The following SP110 variants were observed in gnomAD, a reference collection of about 807,000 sequenced individuals.
The protein encoded by SP110 is interferon-induced protein 41, 30kD.
Under a neutral mutation model 92.7 loss-of-function variants are expected in SP110, and 62 were observed. The ratio of observed to expected loss-of-function variants is 0.67; its 90% CI spans 0.55 to 0.83. The LOEUF (loss-of-function observed/expected upper bound fraction) is 0.83. Ranked by LOEUF, SP110 falls within the 40% of genes least tolerant of loss-of-function variation. The pLI, the probability that SP110 is intolerant of heterozygous loss-of-function variation, is 0.00. For missense variants in SP110, 793 were observed against 863.9 expected, an observed-to-expected ratio of 0.92 and a Z score of 1.03; for synonymous variants, 273 against 305.3, an observed-to-expected ratio of 0.89 and a Z score of 1.10.
In SP110 at chr2:230,214,855, G is replaced by T; in HGVS notation, c.316+95C>A. ...CATTCCACCCCAGAGAGAAGGCGGGGGATTAACGTGCATATTCCACAGGGC... is the reference window on the plus strand; with the variant it reads ...CATTCCACCCCAGAGAGAAGGCGGGTGATTAACGTGCATATTCCACAGGGC... On this transcript the variant is annotated intron_variant, in intron 3 of 18. Coordinates refer to ENST00000258381, the MANE Select transcript of SP110 (RefSeq NM_080424.4). 14 of 1,010,720 alleles carry T rather than the reference G, an allele frequency of 1.4e-5. 1 individual carries two copies. In the South Asian group the frequency reaches 1.7e-4, roughly 12 times the overall value. 62.6% of individuals were successfully genotyped at this position (1,010,720 alleles called of 1,614,324 possible).
chr2:230,198,123 T>C (rs1009779243), intron 10 of SP110, among the ~76,000 whole-genome samples: 11 of 111,572 alleles, frequency 9.9e-5, no homozygotes, highest in African/African-American at 2.9e-4. Flanking sequence ...TCTGTAGGAC[T>C]GGAAGTCCTC....
chr2:230,209,651 CA>C (rs1478016232), intron 7 of SP110, among the ~76,000 whole-genome samples: 1 of 152,108 alleles, frequency 6.6e-6, no homozygotes, highest in African/African-American at 2.4e-5. Flanking sequence ...GAGGGAAGTG[CA>C]ATTAACACTC....
At chr2:230,210,853 T>A (rs2044389319) in intron 6 of SP110, among the ~76,000 whole-genome samples, 1 of 152,246 alleles carries the variant, frequency 6.6e-6, no homozygotes. Context: ...TTTCAAGTTA[T>A]ATTCATAATA....
chr2:230,177,815 G>C, intron 13 of SP110, 135 bp from the exon 14 acceptor site: 1 of 997,382 alleles, frequency 1.0e-6, no homozygotes, highest in Non-Finnish European at 1.6e-6. Context: ...GAGTAGCAGG[G>C]GAGTCTGCGG....
chr2:230,219,901 C>T lies in SP110; in HGVS notation c.-29G>A. 3.0e-6 allele frequency: 3 copies of T among 985,374 alleles called. No individual in the cohort carries two copies. Among genetic ancestry groups the T allele is most frequent in the Non-Finnish European group, 3.6e-6 (3 of 829,776 alleles). The allele number at this position is 985,374 out of a possible 1,614,324, so 61.0% of individuals were successfully genotyped here. Reference sequence around the variant, plus strand: ...GGACTTTGAGTTTGTCGTTCCTGCCCCTTTCCAGGGGCTGGGACAGGGATC... The same window carrying T: ...GGACTTTGAGTTTGTCGTTCCTGCCTCTTTCCAGGGGCTGGGACAGGGATC... On this transcript the variant is annotated 5_prime_UTR_variant, in exon 1 of 19. Transcript: ENST00000258381.
At chr2:230,197,860 C>T (rs1330124058) in intron 10 of SP110, among the ~76,000 whole-genome samples, 1 of 152,130 alleles carries the variant, frequency 6.6e-6, no homozygotes. Context: ...ACTACATTGT[C>T]AAGCTGGTTT....
At chr2:230,209,604 A>G (rs539030311) in intron 7 of SP110, among the ~76,000 whole-genome samples, 1 of 152,322 alleles carries the variant, frequency 6.6e-6, no homozygotes, top group East Asian at 1.9e-4. Flanking sequence ...CTTAAGAGGA[A>G]GTGGGTTCCT....
At chr2:230,175,942 A>ATTTTTTTTTTTT (rs769329922) in intron 14 of SP110, among the ~76,000 whole-genome samples, 5 of 97,522 alleles carry the variant, frequency 5.1e-5, no homozygotes, top group Non-Finnish European at 7.5e-5. Context: ...ATGCTGCAGC[A>ATTTTTTTTTTTT]TTCTTTTTTT....
At chr2:230,198,097 T>C (rs931011084) in intron 10 of SP110, among the ~76,000 whole-genome samples, 1 of 145,098 alleles carries the variant, frequency 6.9e-6, no homozygotes, top group Non-Finnish European at 1.5e-5. Flanking sequence ...AAGTTCTCTG[T>C]AGGACAATAG....
chr2:230,172,312 C>T, intron 15 of SP110, 138 bp from the exon 16 acceptor site: 7 of 725,748 alleles, frequency 9.6e-6, no homozygotes, highest in South Asian at 8.7e-5. Context: ...TCCAAGATCC[C>T]CACATGGGGT....
chr2:230,177,671 A>G lies in SP110; in HGVS notation c.1457T>C (p.Val486Ala), dbSNP rs1190534463. The change falls in exon 14 of 19, where the codon GTG (valine) becomes GCG (alanine). Residue 486 changes from valine to alanine, a missense_variant. By Grantham distance (64) the Val-to-Ala change is moderately conservative. Coordinates refer to ENST00000258381, the MANE Select transcript of SP110 (RefSeq NM_080424.4). ...YKKKMKHGSS[V>A]KCIRNEDGTW... is the part of the protein sequence containing the mutation. ...TCCATCCTCATTCCGAATGCACTTC[A>G]CTGAGGATCCTGTAAGAAAAAGCCC... 2 of 1,614,098 alleles carry G rather than the reference A, an allele frequency of 1.2e-6. No individual in the cohort carries two copies. The highest frequency in any genetic ancestry group is 8.5e-7 in the Non-Finnish European group (1 of 1,179,996).
intron 10 of SP110, 131 bp downstream of exon 10, chr2:230,200,754 A>T (rs2043097366): frequency 2.7e-6 from 2 of 747,404 alleles, no homozygotes; most frequent in East Asian, 2.6e-5. Context: ...TAAGAAAAAA[A>T]AATCCAGAAG....
chr2:230,176,746 T>G, intron 14 of SP110: 1 of 1,613,776 alleles, frequency 6.2e-7, no homozygotes, highest in Non-Finnish European at 8.5e-7. Context: ...AAGGAGTCAA[T>G]GAATGAGGTT....
In SP110 at chr2:230,178,213, A is replaced by T; in HGVS notation, c.1391T>A (p.Leu464His). 6.2e-7 allele frequency: 1 copy of T among 1,613,640 alleles called. No homozygotes were observed. Among genetic ancestry groups the T allele is most frequent in the Non-Finnish European group, 8.5e-7 (1 of 1,179,634 alleles). Residue 464 changes from leucine (L) to histidine (H), a missense_variant, in exon 13 of 19, where the codon CTC becomes CAC. Leu to His is a moderately conservative substitution (Grantham distance 99). Coordinates refer to ENST00000258381, the MANE Select transcript of SP110 (RefSeq NM_080424.4). ...SDTVDFHCSK[L>H]PVTCGEAKGI... ...TTTCGCCTCACCACAGGTCACGGGGAGCTTAGAACAGTGAAAATCCACAGT... is the reference window on the plus strand; with the variant it reads ...TTTCGCCTCACCACAGGTCACGGGGTGCTTAGAACAGTGAAAATCCACAGT...
At chr2:230,178,383 C>A in intron 12 of SP110, 128 bp from the exon 13 acceptor site, 1 of 673,688 alleles carries the variant, frequency 1.5e-6, no homozygotes, top group Non-Finnish European at 2.7e-6. Flanking sequence ...TTTGCAGGAA[C>A]TCTTTCATCT....
intron 7 of SP110, among the ~76,000 whole-genome samples, chr2:230,209,428 T>C (rs967089814): frequency 2.0e-5 from 3 of 152,068 alleles, no homozygotes; most frequent in African/African-American, 7.2e-5. Flanking sequence ...TATTGGATGA[T>C]ATTGATGATG....
At chr2:230,192,026 A>T (rs2042655923) in intron 10 of SP110, among the ~76,000 whole-genome samples, 2 of 152,242 alleles carry the variant, frequency 1.3e-5, no homozygotes, top group Admixed American at 1.3e-4. Context: ...CAGAACCAAG[A>T]CAAAAACCAC....
chr2:230,196,005 C>T (rs1291959542), intron 10 of SP110, among the ~76,000 whole-genome samples: 1 of 152,014 alleles, frequency 6.6e-6, no homozygotes, highest in Non-Finnish European at 1.5e-5. Context: ...CTCTATATTA[C>T]TACTAATCAA....
rs2044420613 is a variant in SP110 at position 230,211,115 on chromosome 2, G to A, written c.751+355C>T. On this transcript the variant is annotated intron_variant, in intron 6 of 18. Transcript: ENST00000258381. This position sits in a 1 kb window ranked among gnomAD's most constrained non-coding sequence, Gnocchi z 4.2. ...TGACTCAGTTCCCTTGCTTTCCCCT[G>A]GGGTTCCTGCCACAACCCTTTGTGG... 6.6e-6 allele frequency among the ~76,000 whole-genome samples: 1 copy of A among 152,172 alleles called. No homozygotes were observed. Among genetic ancestry groups the A allele is most frequent in the African/African-American group, 2.4e-5 (1 of 41,448 alleles).
Sources: allele counts gnomAD v4.1 joint callset (sites outside exome capture counted in the v4.1 genomes callset), GRCh38; gene constraint gnomAD v4.1.1; non-coding constraint Gnocchi (gnomAD v3.1); transcripts MANE v1.5; gene names NCBI Gene and HGNC (gene_info 2026-07-23, HGNC 2026-07-21).